Variants in DPF3 observed in about 807,000 individuals in gnomAD.
DPF3 encodes the protein zinc finger protein DPF3.
A neutral mutation model predicts 56.8 loss-of-function variants in DPF3; 18 were observed. That is an observed-to-expected ratio of 0.32 (90% CI 0.22 to 0.47). The LOEUF is 0.47. Ranked by LOEUF, DPF3 falls within the 20% of genes least tolerant of loss-of-function variation. DPF3 has a pLI of 1.00. For synonymous variants in DPF3, 188 were observed against 180.2 expected, an observed-to-expected ratio of 1.04 and a Z score of -0.35; for missense variants, 403 against 488.8, an observed-to-expected ratio of 0.82 and a Z score of 1.65.
chr14:72,625,421 A>ATAT lies in DPF3; in HGVS notation c.984+4200_984+4202dup, dbSNP rs371538023. On this transcript the variant is annotated intron_variant, in intron 9 of 10. Coordinates refer to ENST00000556509, the MANE Select transcript of DPF3 (RefSeq NM_001280542.3). ...TCCTGTGTCCTCTAGACGCATGAAA[A>ATAT]TATCCTTTCATTTTTTGAACACTTC... 6.8e-3 allele frequency among the ~76,000 whole-genome samples: 1,034 copies of ATAT among 152,240 alleles called. 13 individuals are homozygous for ATAT. The highest frequency in any genetic ancestry group is 0.024 in the African/African-American group (983 of 41,520).
Position 72,778,803 on chromosome 14 carries a change from C to T in DPF3, c.33-6910G>A, listed in dbSNP as rs904495381. Among the ~76,000 whole-genome samples the T allele has an allele frequency of 2.6e-5, 4 of 152,314 alleles. No homozygotes were observed. In the East Asian group the frequency reaches 5.8e-4, roughly 22 times the overall value. ...GAGATTCCAATCCCCTTTCCTTCCA[C>T]ATTTTTTCTTCTTCTAACAAAGACA... On this transcript the variant is annotated intron_variant, in intron 1 of 10. Transcript: ENST00000556509.
chr14:72,671,898 G>A (rs1024653831), intron 8 of DPF3, among the ~76,000 whole-genome samples: 1 of 152,068 alleles, frequency 6.6e-6, no homozygotes, highest in Non-Finnish European at 1.5e-5. Context: ...ACGCCATGTC[G>A]TTCATTTGCA....
intron 1 of DPF3, among the ~76,000 whole-genome samples, chr14:72,863,039 T>C (rs973623618): frequency 2.0e-5 from 3 of 146,430 alleles, no homozygotes; most frequent in African/African-American, 7.6e-5. Flanking sequence ...AGAATCTCCT[T>C]CCAGATATAT....
chr14:72,720,955 G>C (rs1372816972), intron 5 of DPF3, among the ~76,000 whole-genome samples: 1 of 152,020 alleles, frequency 6.6e-6, no homozygotes, highest in African/African-American at 2.4e-5. Flanking sequence ...AAATATGATA[G>C]TTTTATAATT....
rs145639835 is a variant in DPF3 at position 72,809,617 on chromosome 14, G to T, written c.33-37724C>A. ...ATGTGGCTGATGGCAGGTCCTCGGC[G>T]CCTGGTGGAAGAGAAAGGGAAGGTG... On this transcript the variant is annotated intron_variant, in intron 1 of 10. Transcript: ENST00000556509. Among the ~76,000 whole-genome samples the T allele has an allele frequency of 1.3e-3, 198 of 152,266 alleles. 1 individual carries two copies. Among genetic ancestry groups the T allele is most frequent in the Middle Eastern group, 3.4e-3 (1 of 294 alleles).
intron 8 of DPF3, among the ~76,000 whole-genome samples, chr14:72,656,274 T>G (rs1384713605): frequency 6.6e-6 from 1 of 152,230 alleles, no homozygotes; most frequent in Non-Finnish European, 1.5e-5. Context: ...TAAATAGAGC[T>G]GAAGCATTGC....
intron 3 of DPF3, among the ~76,000 whole-genome samples, chr14:72,740,707 C>T (rs570016848): frequency 1.3e-5 from 2 of 152,320 alleles, no homozygotes; most frequent in South Asian, 4.1e-4. Context: ...GCCACATGGG[C>T]CTGGCCTGGC....
chr14:72,731,088 C>T (rs548036212), intron 4 of DPF3, among the ~76,000 whole-genome samples: 113 of 152,278 alleles, frequency 7.4e-4, no homozygotes, highest in African/African-American at 2.6e-3. Flanking sequence ...ATCACTTGAA[C>T]CCGGGAGGCA....
chr14:72,618,868 C>A lies in DPF3; in HGVS notation c.*429G>T, dbSNP rs561774543. The stretch of plus-strand genomic sequence containing the variant: ...TCAGGTGAGAATTTCAGGATGCAGA[C>A]CCTAAGCTGGGGGCACGGGGGCTGT... On this transcript the variant is annotated 3_prime_UTR_variant, in exon 11 of 11. Transcript: ENST00000556509. Among the ~76,000 whole-genome samples, 1 of 152,208 alleles carries A rather than the reference C, an allele frequency of 6.6e-6. No individual in the cohort carries two copies. The highest frequency in any genetic ancestry group is 1.5e-5 in the Non-Finnish European group (1 of 68,046).
intron 6 of DPF3, among the ~76,000 whole-genome samples, chr14:72,702,937 G>A (rs1227261358): frequency 6.6e-6 from 1 of 152,136 alleles, no homozygotes; most frequent in African/African-American, 2.4e-5. Context: ...TAGAGACCGG[G>A]GGTCTGGCTC....
intron 7 of DPF3, among the ~76,000 whole-genome samples, chr14:72,692,682 G>A (rs147437837): frequency 2.4e-3 from 369 of 152,328 alleles, no homozygotes; most frequent in Middle Eastern, 0.01. Flanking sequence ...AGCCAAGCAG[G>A]CATTTCGAAT....
At chr14:72,892,103 G>T (rs747105512) in intron 1 of DPF3, 1 of 1,502,918 alleles carries the variant, frequency 6.7e-7, no homozygotes, top group Non-Finnish European at 8.8e-7. Context: ...GCGAAAGCGG[G>T]CTCCCGGGTA....
In DPF3 at chr14:72,611,640, C is replaced by T. The variant is rs1232388654; in HGVS notation, c.*7657G>A. Among the ~76,000 whole-genome samples, 1 of 152,158 alleles carries T rather than the reference C, an allele frequency of 6.6e-6. No individual in the cohort carries two copies. Among genetic ancestry groups the T allele is most frequent in the Non-Finnish European group, 1.5e-5 (1 of 68,034 alleles). On this transcript the variant is annotated 3_prime_UTR_variant, in exon 11 of 11. Transcript: ENST00000556509. ...TTCCACCCCAGAAACCCACAAGCAG[C>T]TCTGGGGACACTGGCTGCCCAACAC... is the stretch of plus-strand genomic sequence containing the variant.
At chr14:72,852,091 TG>T (rs1185636754) in intron 1 of DPF3, among the ~76,000 whole-genome samples, 1 of 152,194 alleles carries the variant, frequency 6.6e-6, no homozygotes, top group African/African-American at 2.4e-5. Context: ...GAGGAGAAAG[TG>T]GAGCACCGGG....
chr14:72,688,980 A>C (rs1443642205), intron 7 of DPF3, among the ~76,000 whole-genome samples: 1 of 152,182 alleles, frequency 6.6e-6, no homozygotes, highest in Non-Finnish European at 1.5e-5. Context: ...AAACACAAGA[A>C]ATGTATACTC....
chr14:72,653,134 C>T (rs1189275830), intron 8 of DPF3, among the ~76,000 whole-genome samples: 1 of 152,158 alleles, frequency 6.6e-6, no homozygotes, highest in Admixed American at 6.5e-5. Flanking sequence ...GAAGGAAGAC[C>T]CGGAGTCTAG....
At chr14:72,646,312 C>A (rs1415732966) in intron 8 of DPF3, among the ~76,000 whole-genome samples, 4 of 152,340 alleles carry the variant, frequency 2.6e-5, no homozygotes, top group South Asian at 4.1e-4. Flanking sequence ...GATAAGGAAA[C>A]CAAAGTCCTG....
chr14:72,750,906 G>T (rs183975953), intron 3 of DPF3, among the ~76,000 whole-genome samples: 8 of 150,288 alleles, frequency 5.3e-5, no homozygotes, highest in South Asian at 2.1e-4. Flanking sequence ...CAAAATATGT[G>T]ACTGCCAGGC....
At chr14:72,686,641 A>G (rs1348125869) in intron 7 of DPF3, among the ~76,000 whole-genome samples, 1 of 152,252 alleles carries the variant, frequency 6.6e-6, no homozygotes, top group African/African-American at 2.4e-5. Flanking sequence ...ATTCTTTGCT[A>G]TATAATCTGA....
Sources: allele counts gnomAD v4.1 joint callset (sites outside exome capture counted in the v4.1 genomes callset), GRCh38; gene constraint gnomAD v4.1.1; transcripts MANE v1.5; gene names NCBI Gene and HGNC (gene_info 2026-07-23, HGNC 2026-07-21).